The following UNC13C variants were observed in gnomAD, a reference collection of about 807,000 sequenced individuals.
UNC13C encodes the protein protein unc-13 homolog C.
UNC13C carries 174 observed loss-of-function variants against 245.4 expected under a neutral mutation model. The observed-to-expected ratio is 0.71, with a 90% CI of 0.63 to 0.80. UNC13C has a LOEUF of 0.80. Among genes scored for constraint, UNC13C ranks in the 30% least tolerant of loss-of-function variants. The pLI, the probability that UNC13C is intolerant of heterozygous loss-of-function variation, is 0.00. For missense variants in UNC13C, 2,829 were observed against 2,602.9 expected, an observed-to-expected ratio of 1.09 and a Z score of -1.89; for synonymous variants, 992 against 895.1, an observed-to-expected ratio of 1.11 and a Z score of -1.93.
At chr15:53,965,748 G>A in the UNC13C span, among the ~76,000 whole-genome samples, 1 of 151,692 alleles carries the variant, frequency 6.6e-6, no homozygotes, top group South Asian at 2.1e-4. Context: ...CCCAGAGTGT[G>A]ATGTTCTCCT....
the UNC13C span, among the ~76,000 whole-genome samples, chr15:53,898,387 T>C: frequency 6.6e-6 from 1 of 150,562 alleles, no homozygotes; most frequent in Non-Finnish European, 1.5e-5. Flanking sequence ...TCTAAAAGTC[T>C]ATTGAAATTC....
At chr15:54,494,251 AT>A (rs1596474250) in intron 19 of UNC13C, among the ~76,000 whole-genome samples, 2 of 152,130 alleles carry the variant, frequency 1.3e-5, no homozygotes, top group East Asian at 3.8e-4. Context: ...AAGAATTTTA[AT>A]TCTCTCTGTC....
intron 30 of UNC13C, among the ~76,000 whole-genome samples, chr15:54,605,364 C>G (rs2141279381): frequency 6.6e-6 from 1 of 152,214 alleles, no homozygotes; most frequent in East Asian, 1.9e-4. Context: ...GCTTCCAGTG[C>G]CCCTTATATT....
At chr15:54,127,675 T>G (rs957340203) in intron 2 of UNC13C, among the ~76,000 whole-genome samples, 7 of 150,214 alleles carry the variant, frequency 4.7e-5, no homozygotes, top group Admixed American at 6.7e-5. Context: ...CTGCACATTC[T>G]GCACATGTAT....
chr15:54,549,302 T>C (rs1472951731), intron 27 of UNC13C, among the ~76,000 whole-genome samples: 10 of 152,274 alleles, frequency 6.6e-5, no homozygotes, highest in African/African-American at 2.4e-4. Flanking sequence ...GGGAGTAGAA[T>C]GAGGAAGTTG....
chr15:54,502,659 A>T (rs1177779819), intron 22 of UNC13C, among the ~76,000 whole-genome samples: 1 of 152,136 alleles, frequency 6.6e-6, no homozygotes. Context: ...AAAGTATGTC[A>T]CGTACTATTC....
rs117679940 is a variant in UNC13C, at chr15:54,402,775, T to G, written c.4847+9594T>G. ...GCAGAATCAAAATGTAAGCAGCCCTTTGAAATAACAAAAGGGTTAATGTTA... is the reference window on the plus strand; with the variant it reads ...GCAGAATCAAAATGTAAGCAGCCCTGTGAAATAACAAAAGGGTTAATGTTA... On this transcript the variant is annotated intron_variant, in intron 18 of 32. Transcript: ENST00000260323. Among the ~76,000 whole-genome samples the G allele has an allele frequency of 1.1e-3, 164 of 152,288 alleles. 3 individuals carry two copies. In the East Asian group the frequency reaches 0.03, roughly 28 times the overall value.
intron 4 of UNC13C, among the ~76,000 whole-genome samples, chr15:54,230,251 T>G (rs1331934077): frequency 6.6e-6 from 1 of 152,190 alleles, no homozygotes; most frequent in African/African-American, 2.4e-5. Context: ...CACCAACACT[T>G]GTTATCTTTT....
At chr15:54,438,705 G>T (rs1280071638) in intron 19 of UNC13C, among the ~76,000 whole-genome samples, 1 of 151,840 alleles carries the variant, frequency 6.6e-6, no homozygotes, top group Non-Finnish European at 1.5e-5. Context: ...CTAGAGAGCT[G>T]GTGGTGAGGA....
intron 24 of UNC13C, among the ~76,000 whole-genome samples, chr15:54,516,228 A>G (rs1894968593): frequency 6.6e-6 from 1 of 152,170 alleles, no homozygotes; most frequent in Admixed American, 6.5e-5. Flanking sequence ...ACTTGCCACT[A>G]GCCTCTCAAC....
chr15:54,433,640 A>T (rs1367344981), intron 19 of UNC13C, among the ~76,000 whole-genome samples: 1 of 152,140 alleles, frequency 6.6e-6, no homozygotes, highest in Non-Finnish European at 1.5e-5. Context: ...CTGAATGGGC[A>T]AAAGCTGAAA....
chr15:54,011,984 A>G (rs985348203), intron 1 of UNC13C, among the ~76,000 whole-genome samples: 5 of 152,194 alleles, frequency 3.3e-5, no homozygotes, highest in Admixed American at 6.5e-5. Flanking sequence ...GACTGTTACT[A>G]TTATTCTGGG....
At chr15:54,306,843 T>C (rs893069693) in intron 13 of UNC13C, among the ~76,000 whole-genome samples, 1 of 151,942 alleles carries the variant, frequency 6.6e-6, no homozygotes, top group Non-Finnish European at 1.5e-5. Context: ...TTTATCTAAT[T>C]TATATTTAAA....
chr15:54,553,546 T>C (rs1017144320), intron 28 of UNC13C, among the ~76,000 whole-genome samples: 2 of 143,904 alleles, frequency 1.4e-5, no homozygotes, highest in African/African-American at 5.1e-5. Flanking sequence ...CTCAAAATAT[T>C]TCATATAATC....
rs555484635 is a variant in UNC13C at position 54,356,299 on chromosome 15, C to G, written c.4713+17810C>G. Among the ~76,000 whole-genome samples the G allele has an allele frequency of 2.0e-3, 310 of 151,726 alleles. 1 individual carries two copies. Among genetic ancestry groups the G allele is most frequent in the African/African-American group, 6.5e-3 (270 of 41,410 alleles). ...ATAGATTGGGAATTTTAGTAGATAC[C>G]AACAAATTAACCTCCAAAGGGGTTT... On this transcript the variant is annotated intron_variant, in intron 17 of 32. Transcript: ENST00000260323.
rs575639894 is a variant in UNC13C, at chr15:54,269,584, A to G, written c.3818+4088A>G. On this transcript the variant is annotated intron_variant, in intron 10 of 32. Coordinates refer to ENST00000260323, the MANE Select transcript of UNC13C (RefSeq NM_001080534.3). The stretch of plus-strand genomic sequence containing the variant: ...GTGCAGCCAAATAATGATGCATGTG[A>G]TAAAACTACCTAGGACCACCCAAGT... 5.9e-5 allele frequency among the ~76,000 whole-genome samples: 9 copies of G among 152,262 alleles called. No individual in the cohort carries two copies. The East Asian group carries it at 1.5e-3, about 26-fold the overall frequency.
chr15:54,385,795 C>T lies in UNC13C; in HGVS notation c.4714-7253C>T, dbSNP rs969664544. 5.9e-5 allele frequency among the ~76,000 whole-genome samples: 9 copies of T among 151,838 alleles called. No homozygotes were observed. In the South Asian group the frequency reaches 1.2e-3, roughly 21 times the overall value. ...TGGCTTAATCATTATATGCTCTATGCGTGCAAGGAACACTCACATGTACCC... is the reference window on the plus strand; with the variant it reads ...TGGCTTAATCATTATATGCTCTATGTGTGCAAGGAACACTCACATGTACCC... On this transcript the variant is annotated intron_variant, in intron 17 of 32. Coordinates refer to ENST00000260323, the MANE Select transcript of UNC13C (RefSeq NM_001080534.3).
chr15:54,075,070 G>A (rs1169672365), intron 2 of UNC13C, among the ~76,000 whole-genome samples: 5 of 152,116 alleles, frequency 3.3e-5, no homozygotes, highest in Non-Finnish European at 4.4e-5. Flanking sequence ...TATGGCCTGA[G>A]CTGCAATTTC....
At chr15:54,293,720 T>G (rs2037360281) in intron 10 of UNC13C, among the ~76,000 whole-genome samples, 175 bp from the exon 11 acceptor site, 1 of 152,088 alleles carries the variant, frequency 6.6e-6, no homozygotes, top group South Asian at 2.1e-4. Flanking sequence ...TTAGCTTTTC[T>G]TCAGTATAGT....
Sources: gnomAD v4.1 joint callset for allele counts (sites outside exome capture counted in the v4.1 genomes callset) on GRCh38, gnomAD v4.1.1 for gene constraint, MANE v1.5 for transcripts, NCBI Gene and HGNC (gene_info 2026-07-23, HGNC 2026-07-21) for gene names.